The following LRRC36 variants were observed in gnomAD, a reference collection of about 807,000 sequenced individuals.
LRRC36 encodes leucine-rich repeat-containing protein 36.
A neutral mutation model predicts 81.1 loss-of-function variants in LRRC36; 62 were observed. The ratio of observed to expected loss-of-function variants is 0.76; its 90% CI spans 0.62 to 0.94. The LOEUF (loss-of-function observed/expected upper bound fraction) is 0.94. Among genes scored for constraint, LRRC36 ranks in the 40% least tolerant of loss-of-function variants. The pLI is 0.00. For synonymous variants in LRRC36, 334 were observed against 348.6 expected (o/e 0.96, Z 0.47); for missense variants, 761 against 881.7 (o/e 0.86, Z 1.73).
At chr16:67,373,303 A>C (rs1004887471) in intron 9 of LRRC36, among the ~76,000 whole-genome samples, 11 of 152,236 alleles carry the variant, frequency 7.2e-5, no homozygotes, top group African/African-American at 2.7e-4. Flanking sequence ...CTTTATGGAA[A>C]GCTTTAAAAG....
At chr16:67,347,701 G>A (rs1324306766) in intron 4 of LRRC36, 110 bp downstream of exon 4, 2 of 737,914 alleles carry the variant, frequency 2.7e-6, no homozygotes, top group East Asian at 5.9e-5. Flanking sequence ...CAAATTGTAA[G>A]AATCCTCAGA....
chr16:67,344,681 A>G (rs1176190202), intron 2 of LRRC36, among the ~76,000 whole-genome samples: 1 of 152,202 alleles, frequency 6.6e-6, no homozygotes, highest in Non-Finnish European at 1.5e-5. Flanking sequence ...AGTGAGGCCA[A>G]GGGCACTGAT....
intron 1 of LRRC36, among the ~76,000 whole-genome samples, chr16:67,327,705 G>A (rs1217103214): frequency 6.6e-6 from 1 of 152,138 alleles, no homozygotes; most frequent in Non-Finnish European, 1.5e-5. Context: ...CGATGGAGAA[G>A]TGAAAGAAAG....
chr16:67,354,817 A>G (rs1278448216), intron 5 of LRRC36, among the ~76,000 whole-genome samples: 3 of 152,190 alleles, frequency 2.0e-5, no homozygotes, highest in African/African-American at 4.8e-5. Flanking sequence ...TGTACATTCT[A>G]TGGGCTTGAT....
At chr16:67,346,102 C>T (rs891761378) in intron 2 of LRRC36, among the ~76,000 whole-genome samples, 154 bp from the exon 3 acceptor site, 2 of 152,152 alleles carry the variant, frequency 1.3e-5, no homozygotes, top group Non-Finnish European at 2.9e-5. Context: ...GTCTTATTTT[C>T]GGACAAGTTA....
At chr16:67,363,111 A>T (rs960920167) in intron 5 of LRRC36, among the ~76,000 whole-genome samples, 1 of 152,150 alleles carries the variant, frequency 6.6e-6, no homozygotes, top group Non-Finnish European at 1.5e-5. Flanking sequence ...AAAGAGAGAA[A>T]GCAAGGCAGA....
At chr16:67,377,237 C>G (rs900233364) in intron 11 of LRRC36, among the ~76,000 whole-genome samples, 1 of 152,180 alleles carries the variant, frequency 6.6e-6, no homozygotes, top group Non-Finnish European at 1.5e-5. Context: ...AGCCCTGAAC[C>G]AGGGGCTAAG....
chr16:67,336,437 C>G (rs553665219), intron 1 of LRRC36, among the ~76,000 whole-genome samples: 11 of 152,252 alleles, frequency 7.2e-5, no homozygotes, highest in African/African-American at 2.2e-4. Context: ...ATTCCCACCC[C>G]CAATGAATGA....
intron 4 of LRRC36, among the ~76,000 whole-genome samples, chr16:67,349,819 G>T (rs1256094859): frequency 6.6e-6 from 1 of 151,612 alleles, no homozygotes; most frequent in Non-Finnish European, 1.5e-5. Flanking sequence ...GGAGTACAGT[G>T]GCGTGATCTC....
At chr16:67,351,660 T>C (rs1310373938) in intron 5 of LRRC36, among the ~76,000 whole-genome samples, 1 of 152,170 alleles carries the variant, frequency 6.6e-6, no homozygotes, top group Non-Finnish European at 1.5e-5. Context: ...TGAGCCCAGA[T>C]TGCGCCACTG....
chr16:67,347,762 A>G (rs1395080220), intron 4 of LRRC36, among the ~76,000 whole-genome samples, 171 bp downstream of exon 4: 9 of 152,244 alleles, frequency 5.9e-5, no homozygotes, highest in Admixed American at 3.3e-4. Flanking sequence ...TGGGATGATA[A>G]TCTGGCCCTC....
At chr16:67,365,965 T>C (rs183307486) in intron 7 of LRRC36, among the ~76,000 whole-genome samples, 1 of 152,294 alleles carries the variant, frequency 6.6e-6, no homozygotes, top group African/African-American at 2.4e-5. Context: ...TCCCTTCTGA[T>C]ATCATTTTCC....
intron 1 of LRRC36, among the ~76,000 whole-genome samples, chr16:67,327,859 A>T (rs1453943543): frequency 2.0e-5 from 3 of 152,030 alleles, no homozygotes; most frequent in Non-Finnish European, 4.4e-5. Context: ...AGCAACTTAA[A>T]TGCAGAGTGT....
In LRRC36 at chr16:67,378,718, T is replaced by C; in HGVS notation, c.1930+6T>C. 1.2e-6 allele frequency: 2 copies of C among 1,613,512 alleles called. No homozygotes were observed. The highest frequency in any genetic ancestry group is 1.1e-5 in the South Asian group (1 of 91,038). On this transcript the variant is annotated splice_donor_region_variant and intron_variant, in intron 12 of 13. Transcript: ENST00000329956. Reference sequence around the variant, plus strand: ...GCAACAGTCACATACTTATGGTAAGTTGAGGAAAGCCATGATATATGAGGC... The same window carrying C: ...GCAACAGTCACATACTTATGGTAAGCTGAGGAAAGCCATGATATATGAGGC...
intron 2 of LRRC36, among the ~76,000 whole-genome samples, chr16:67,345,705 A>G (rs565992890): frequency 6.6e-6 from 1 of 152,236 alleles, no homozygotes; most frequent in East Asian, 1.9e-4. Context: ...GTTTCCCTAA[A>G]TAGTCCTTTG....
At chr16:67,348,262 A>C (rs973114505) in intron 4 of LRRC36, among the ~76,000 whole-genome samples, 2 of 152,144 alleles carry the variant, frequency 1.3e-5, no homozygotes, top group Non-Finnish European at 2.9e-5. Context: ...ACTATTAGTA[A>C]TGTTTGGTAT....
chr16:67,330,633 G>A (rs1423294148), intron 1 of LRRC36, among the ~76,000 whole-genome samples: 6 of 152,080 alleles, frequency 3.9e-5, no homozygotes, highest in Non-Finnish European at 7.4e-5. Flanking sequence ...AGGCCAAGGA[G>A]GATGGATCAC....
chr16:67,384,610 TG>T (rs1344414380), intron 13 of LRRC36, among the ~76,000 whole-genome samples: 3 of 152,204 alleles, frequency 2.0e-5, no homozygotes, highest in Admixed American at 2.0e-4. Context: ...AAAGTGCTTT[TG>T]AAAGAACAGA....
chr16:67,370,659 G>A (rs894659643), intron 8 of LRRC36, among the ~76,000 whole-genome samples: 107 of 149,162 alleles, frequency 7.2e-4, no homozygotes, highest in African/African-American at 2.6e-3. Context: ...AAAATCAGAA[G>A]AACTGGGCAC....
Sources: gnomAD v4.1 joint callset for allele counts (sites outside exome capture counted in the v4.1 genomes callset) on GRCh38, gnomAD v4.1.1 for gene constraint, MANE v1.5 for transcripts, NCBI Gene and HGNC (gene_info 2026-07-23, HGNC 2026-07-21) for gene names.